Variants in INPP4B observed in about 807,000 individuals in gnomAD.
INPP4B encodes the protein inositol polyphosphate 4-phosphatase type II.
A neutral mutation model predicts 122.5 loss-of-function variants in INPP4B; 55 were observed. That is an observed-to-expected ratio of 0.45 (90% CI 0.36 to 0.56). The LOEUF is 0.56. Ranked by LOEUF, INPP4B falls within the 20% of genes least tolerant of loss-of-function variation. INPP4B has a pLI of 0.00. For missense variants in INPP4B, 1,000 were observed against 1,097.7 expected, an observed-to-expected ratio of 0.91 and a Z score of 1.26; for synonymous variants, 403 against 388.7, an observed-to-expected ratio of 1.04 and a Z score of -0.43.
chr4:142,596,493 A>G (rs1011214768), intron 2 of INPP4B, among the ~76,000 whole-genome samples: 2 of 152,220 alleles, frequency 1.3e-5, no homozygotes, highest in East Asian at 1.9e-4. Flanking sequence ...GGGCCCAGGT[A>G]AGGCCAGCAG....
chr4:142,246,616 G>T (rs1269520765), intron 11 of INPP4B, among the ~76,000 whole-genome samples: 1 of 152,052 alleles, frequency 6.6e-6, no homozygotes, highest in Non-Finnish European at 1.5e-5. Flanking sequence ...TTGGTGTATA[G>T]GAATGCCTGT....
intron 7 of INPP4B, among the ~76,000 whole-genome samples, chr4:142,323,424 A>G (rs1306675617): frequency 6.7e-6 from 1 of 149,080 alleles, no homozygotes; most frequent in African/African-American, 2.5e-5. Flanking sequence ...AATGAGGTTC[A>G]TTATTACGGT....
intron 11 of INPP4B, among the ~76,000 whole-genome samples, chr4:142,256,122 T>C (rs1292143826): frequency 1.4e-5 from 2 of 147,944 alleles, no homozygotes; most frequent in Non-Finnish European, 3.0e-5. Context: ...CATAACGAAA[T>C]GAAGGCAGAA....
chr4:142,587,334 G>A (rs1361576111), intron 2 of INPP4B, among the ~76,000 whole-genome samples: 1 of 151,966 alleles, frequency 6.6e-6, no homozygotes, highest in Non-Finnish European at 1.5e-5. Flanking sequence ...TATGATGTTT[G>A]ATCTTACCTG....
intron 3 of INPP4B, among the ~76,000 whole-genome samples, chr4:142,459,835 T>C (rs943284793): frequency 2.6e-5 from 4 of 152,202 alleles, no homozygotes; most frequent in Non-Finnish European, 5.9e-5. Flanking sequence ...CAAAGTTCTG[T>C]AATTCAGAAA....
intron 2 of INPP4B, among the ~76,000 whole-genome samples, chr4:142,719,383 G>A (rs950239707): frequency 6.0e-5 from 9 of 150,872 alleles, no homozygotes; most frequent in African/African-American, 2.2e-4. Context: ...GAGTGTAGTG[G>A]TGTGACCACG....
rs2148893377 is a variant in INPP4B at position 142,384,003 on chromosome 4, T to C, written c.372+18935A>G. 5.8e-6 allele frequency: 4 copies of C among 688,678 alleles called. No individual in the cohort carries two copies. The East Asian group carries it at 8.1e-5, about 14-fold the overall frequency. The allele number at this position is 688,678 out of a possible 1,614,324, so 42.7% of individuals were successfully genotyped here. A position where few individuals can be genotyped will look rare whatever the true frequency, so the allele number is the denominator to read the frequency against. On this transcript the variant is annotated intron_variant, in intron 7 of 25. Coordinates refer to ENST00000262992, the MANE Select transcript of INPP4B (RefSeq NM_001101669.3). ...AGAAGCTCATGTGATGTCTTGCACT[T>C]GGCCAACCATCCTGCAGACATTTGA... is the stretch of plus-strand genomic sequence containing the variant.
At chr4:142,416,188 T>C (rs2149277055) in intron 5 of INPP4B, among the ~76,000 whole-genome samples, 1 of 152,158 alleles carries the variant, frequency 6.6e-6, no homozygotes, top group African/African-American at 2.4e-5. Flanking sequence ...TTTAGGAGTT[T>C]GAGGGAGAAT....
At position 142,569,736 on chromosome 4, in the gene INPP4B, T is replaced by G. The variant is rs1219303922; in HGVS notation, c.-190-107010A>C. On this transcript the variant is annotated intron_variant, in intron 2 of 25. Coordinates refer to ENST00000262992, the MANE Select transcript of INPP4B (RefSeq NM_001101669.3). ...ACATCCAAATTCGCATTCTGATAGC[T>G]CATTGAATTTGTGCTTTCTTCCCTG... Among the ~76,000 whole-genome samples the G allele has an allele frequency of 6.6e-5, 10 of 152,158 alleles. No individual in the cohort carries two copies. The East Asian group carries it at 1.7e-3, about 26-fold the overall frequency.
intron 2 of INPP4B, among the ~76,000 whole-genome samples, chr4:142,695,309 C>T (rs961392574): frequency 2.6e-5 from 4 of 152,088 alleles, no homozygotes; most frequent in African/African-American, 7.2e-5. Context: ...AACAGCCTTG[C>T]CAAAGTTAAA....
chr4:142,299,610 C>T (rs1760491302), intron 9 of INPP4B, among the ~76,000 whole-genome samples: 1 of 151,198 alleles, frequency 6.6e-6, no homozygotes, highest in Admixed American at 6.6e-5. Flanking sequence ...TGCTTTCCAT[C>T]CATGCTTTCA....
chr4:142,106,489 C>T (rs1030167436), intron 23 of INPP4B, among the ~76,000 whole-genome samples: 6 of 151,972 alleles, frequency 3.9e-5, no homozygotes, highest in South Asian at 2.1e-4. Flanking sequence ...CCATGTTGCC[C>T]GGGCTAAAAT....
intron 1 of INPP4B, among the ~76,000 whole-genome samples, chr4:142,838,605 C>T (rs1473682203): frequency 6.6e-6 from 1 of 152,100 alleles, no homozygotes; most frequent in Non-Finnish European, 1.5e-5. Context: ...GAAAATTATA[C>T]ATATGCTTTG....
chr4:142,057,209 A>G (rs77915350), intron 25 of INPP4B, among the ~76,000 whole-genome samples: 2,377 of 151,264 alleles, frequency 0.016, 81 homozygotes, highest in African/African-American at 0.055. Flanking sequence ...CACATTTCAC[A>G]TGATCTTTTG....
chr4:142,343,665 T>G (rs1779390976), intron 7 of INPP4B, among the ~76,000 whole-genome samples: 1 of 152,104 alleles, frequency 6.6e-6, no homozygotes, highest in Non-Finnish European at 1.5e-5. Context: ...ATGATTACTT[T>G]TATTTACCTT....
intron 2 of INPP4B, among the ~76,000 whole-genome samples, chr4:142,554,113 C>A (rs1264453592): frequency 6.7e-6 from 1 of 149,376 alleles, no homozygotes; most frequent in Non-Finnish European, 1.5e-5. Flanking sequence ...TGTTTGAATC[C>A]TGAAGGAGGA....
intron 2 of INPP4B, among the ~76,000 whole-genome samples, chr4:142,562,247 G>C (rs1371521845): frequency 6.6e-6 from 1 of 152,096 alleles, no homozygotes; most frequent in Non-Finnish European, 1.5e-5. Flanking sequence ...GCTTTGAAAG[G>C]TTTTCTAGTT....
At chr4:142,138,199 T>C (rs1041709480) in intron 18 of INPP4B, among the ~76,000 whole-genome samples, 5 of 151,932 alleles carry the variant, frequency 3.3e-5, no homozygotes, top group Admixed American at 3.3e-4. Flanking sequence ...TGGGATACTA[T>C]GCAGCCATAA....
chr4:142,031,133 T>TA (rs1485783726), intron 25 of INPP4B, among the ~76,000 whole-genome samples: 3 of 152,228 alleles, frequency 2.0e-5, no homozygotes, highest in African/African-American at 7.2e-5. Flanking sequence ...CAGTCTGAAA[T>TA]ATACCATATT....
Sources: gnomAD v4.1 joint callset for allele counts (sites outside exome capture counted in the v4.1 genomes callset) on GRCh38, gnomAD v4.1.1 for gene constraint, MANE v1.5 for transcripts, NCBI Gene and HGNC (gene_info 2026-07-23, HGNC 2026-07-21) for gene names.